SDK2: variants seen among roughly 807,000 people sequenced by gnomAD.
The protein encoded by SDK2 is protein sidekick-2.
SDK2 carries 105 observed loss-of-function variants against 253.9 expected under a neutral mutation model. The ratio of observed to expected loss-of-function variants is 0.41; its 90% CI spans 0.35 to 0.49. The LOEUF is 0.49. SDK2 is among the 20% of genes least tolerant of loss of function. The pLI is 0.06. For synonymous variants in SDK2, 1,249 were observed against 1,234.9 expected (o/e 1.01, Z -0.24); for missense variants, 2,608 against 3,003.0 (o/e 0.87, Z 3.07).
At position 73,399,358 on chromosome 17, in the gene SDK2, T is replaced by G. The variant is rs1196396820; in HGVS notation, c.2972-69A>C. ...GGCCCCCCATGTTGAACGGGACTGTTGGGCATGGAGGGGGCTGTGTGTCAC... is the reference window on the plus strand; with the variant it reads ...GGCCCCCCATGTTGAACGGGACTGTGGGGCATGGAGGGGGCTGTGTGTCAC... On this transcript the variant is annotated intron_variant, in intron 21 of 44. Transcript: ENST00000392650. The G allele has an allele frequency of 8.4e-6, 13 of 1,555,714 alleles. 1 individual carries two copies. In the Middle Eastern group the frequency reaches 6.8e-4, roughly 81 times the overall value.
At chr17:73,353,360 C>T (rs978032211) in intron 40 of SDK2, among the ~76,000 whole-genome samples, 30 of 152,152 alleles carry the variant, frequency 2.0e-4, no homozygotes, top group Non-Finnish European at 1.2e-4. Flanking sequence ...TTAACTAACC[C>T]CCTTTCCTAA....
chr17:73,358,547 G>A (rs1216164595), intron 39 of SDK2, among the ~76,000 whole-genome samples: 1 of 152,160 alleles, frequency 6.6e-6, no homozygotes, highest in Non-Finnish European at 1.5e-5. Context: ...GCCTTCCAGT[G>A]CCTCCGTTTC....
intron 17 of SDK2, among the ~76,000 whole-genome samples, chr17:73,415,058 A>T (rs958784253): frequency 1.9e-4 from 29 of 152,130 alleles, no homozygotes; most frequent in African/African-American, 5.6e-4. Flanking sequence ...CTGTTTCATG[A>T]TCTACTTAAC....
chr17:73,386,391 C>A (rs968346728), intron 31 of SDK2, 54 bp downstream of exon 31: 1 of 1,297,670 alleles, frequency 7.7e-7, no homozygotes. Flanking sequence ...ATGCCCCATG[C>A]CCAGGAAGCA....
intron 1 of SDK2, among the ~76,000 whole-genome samples, chr17:73,592,246 T>C (rs1040375985): frequency 5.3e-5 from 8 of 152,202 alleles, no homozygotes; most frequent in African/African-American, 1.7e-4. Flanking sequence ...TGTACACTTC[T>C]TGGAAAGATC....
Position 73,423,664 on chromosome 17 carries a change from C to T in SDK2, c.1761-142G>A, listed in dbSNP as rs1424043186. On this transcript the variant is annotated intron_variant, in intron 13 of 44. Coordinates refer to ENST00000392650, the MANE Select transcript of SDK2 (RefSeq NM_001144952.2). The stretch of plus-strand genomic sequence containing the variant: ...AAAATGTGGCCTTCGGGCCATCTAC[C>T]TGGAGATTTTTCTCTCTGGAACCAG... 1.1e-5 allele frequency: 12 copies of T among 1,083,708 alleles called. No homozygotes were observed. The East Asian group carries it at 3.0e-4, about 27-fold the overall frequency. 67.1% of individuals were successfully genotyped at this position (1,083,708 alleles called of 1,614,324 possible). A position where few individuals can be genotyped will look rare whatever the true frequency, so the allele number is the denominator to read the frequency against.
At chr17:73,433,010 C>G (rs867254232) in intron 10 of SDK2, among the ~76,000 whole-genome samples, 44 of 152,180 alleles carry the variant, frequency 2.9e-4, no homozygotes, top group Middle Eastern at 6.8e-3. Context: ...TCTGAGCTGC[C>G]TGGGGTAGGA....
At position 73,455,098 on chromosome 17, in the gene SDK2, C is replaced by A. The variant is rs1258479639; in HGVS notation, c.479+808G>T. 1.3e-5 allele frequency among the ~76,000 whole-genome samples: 2 copies of A among 152,158 alleles called. No individual in the cohort carries two copies. The highest frequency in any genetic ancestry group is 3.9e-4 in the East Asian group (2 of 5,190). ...CAAAGGCAGGAACCATCCATCTACG[C>A]CTCCACTCTCTACAGAGACCAGGAC... On this transcript the variant is annotated intron_variant, in intron 4 of 44. Transcript: ENST00000392650. This position sits in a 1 kb window ranked among gnomAD's most constrained non-coding sequence, Gnocchi z 5.0.
At chr17:73,526,637 G>A (rs1250912866) in intron 1 of SDK2, among the ~76,000 whole-genome samples, 1 of 152,032 alleles carries the variant, frequency 6.6e-6, no homozygotes, top group Non-Finnish European at 1.5e-5. Context: ...ATAGGTGTGT[G>A]TGTGCATGTG....
chr17:73,350,521 G>C, intron 42 of SDK2, 129 bp downstream of exon 42: 1 of 1,408,254 alleles, frequency 7.1e-7, no homozygotes, highest in African/African-American at 1.4e-5. Context: ...GAAACCCTAG[G>C]CTGCCCCACC....
At chr17:73,490,383 C>T (rs1468472031) in intron 2 of SDK2, among the ~76,000 whole-genome samples, 1 of 152,192 alleles carries the variant, frequency 6.6e-6, no homozygotes, top group Non-Finnish European at 1.5e-5. Context: ...ATGGTAGACA[C>T]AGGTGGAGAA....
Position 73,338,607 on chromosome 17 carries a change from C to G in SDK2, c.6499G>C (p.Gly2167Arg), listed in dbSNP as rs553031614. The change falls in exon 45 of 45, where the codon GGA (glycine) becomes CGA (arginine). Residue 2167 changes from glycine to arginine, a missense_variant. Coordinates refer to ENST00000392650, the MANE Select transcript of SDK2 (RefSeq NM_001144952.2). This position sits in a 1 kb window ranked among gnomAD's most constrained non-coding sequence, Gnocchi z 5.0. ...LAPGSRAPIA[G>R]FSSFV ...TGATGTCAAACAAATGATGAAAATCCTGCTATGGGAGCCCGGGAGCCTGGG... is the reference window on the plus strand; with the variant it reads ...TGATGTCAAACAAATGATGAAAATCGTGCTATGGGAGCCCGGGAGCCTGGG... 6.6e-7 allele frequency: 1 copy of G among 1,521,912 alleles called. No individual in the cohort carries two copies. The highest frequency in any genetic ancestry group is 1.4e-5 in the African/African-American group (1 of 71,986). The allele number at this position is 1,521,912 out of a possible 1,614,324, so 94.3% of individuals were successfully genotyped here. A position where few individuals can be genotyped will look rare whatever the true frequency, so the allele number is the denominator to read the frequency against.
At chr17:73,362,111 C>T (rs1353062176) in intron 38 of SDK2, among the ~76,000 whole-genome samples, 1 of 152,204 alleles carries the variant, frequency 6.6e-6, no homozygotes, top group African/African-American at 2.4e-5. Context: ...TCTGTGTCTA[C>T]TGAGTAGCCA....
chr17:73,434,568 C>G (rs2063352865), intron 9 of SDK2, among the ~76,000 whole-genome samples: 1 of 152,234 alleles, frequency 6.6e-6, no homozygotes, highest in Non-Finnish European at 1.5e-5. Flanking sequence ...CATCCCCATT[C>G]TTCCTGAGGA....
intron 2 of SDK2, among the ~76,000 whole-genome samples, chr17:73,494,864 G>A (rs954232509): frequency 3.6e-4 from 55 of 152,366 alleles, no homozygotes; most frequent in African/African-American, 1.2e-3. Context: ...GTGCAGGACC[G>A]CGTGCATCTG....
intron 43 of SDK2, among the ~76,000 whole-genome samples, chr17:73,349,217 G>A (rs2062513140): frequency 6.6e-6 from 1 of 152,216 alleles, no homozygotes; most frequent in Non-Finnish European, 1.5e-5. Context: ...GGCTGGGCCT[G>A]CTGTGGGGGC....
chr17:73,433,613 A>G, intron 10 of SDK2, 119 bp downstream of exon 10: 2 of 711,990 alleles, frequency 2.8e-6, no homozygotes, highest in Non-Finnish European at 4.9e-6. Context: ...TGGGTTGTAC[A>G]GTGTATGACC....
At position 73,508,873 on chromosome 17, in the gene SDK2, C is replaced by T. The variant is rs982997620; in HGVS notation, c.65-1276G>A. Among the ~76,000 whole-genome samples, 3 of 152,180 alleles carry T rather than the reference C, an allele frequency of 2.0e-5. No individual in the cohort carries two copies. The East Asian group carries it at 5.8e-4, about 29-fold the overall frequency. ...GATGCCCAGAGCTTGTGCCAATGAG[C>T]CTTGCATTTGACAGATTCGAGGGAG... On this transcript the variant is annotated intron_variant, in intron 1 of 44. Transcript: ENST00000392650.
intron 1 of SDK2, among the ~76,000 whole-genome samples, chr17:73,593,911 G>A (rs990159374): frequency 3.9e-5 from 6 of 152,100 alleles, no homozygotes; most frequent in Non-Finnish European, 8.8e-5. Flanking sequence ...AGTCTGTGTT[G>A]GACAATTTGG....
Sources: allele counts gnomAD v4.1 joint callset (sites outside exome capture counted in the v4.1 genomes callset), GRCh38; gene constraint gnomAD v4.1.1; non-coding constraint Gnocchi (gnomAD v3.1); transcripts MANE v1.5; gene names NCBI Gene and HGNC (gene_info 2026-07-23, HGNC 2026-07-21).